Variants in PCDH9 observed in about 807,000 individuals in gnomAD.
The protein encoded by PCDH9 is protocadherin-9.
In PCDH9, 24 loss-of-function variants were observed where a neutral mutation model predicts 70.6. That is an observed-to-expected ratio of 0.34 (90% CI 0.25 to 0.48). The LOEUF (loss-of-function observed/expected upper bound fraction) is 0.48, where lower values mean the gene tolerates loss of function less well. PCDH9 is among the 20% of genes least tolerant of loss of function. The probability of loss-of-function intolerance (pLI) is 0.99; values close to 1 mark genes in which losing one functional copy is unlikely to be tolerated. For synonymous variants in PCDH9, 562 were observed against 558.5 expected (o/e 1.01, Z -0.09); for missense variants, 1,281 against 1,503.6 (o/e 0.85, Z 2.45).
chr13:66,507,998 G>T lies in PCDH9; in HGVS notation c.3340+123212C>A, dbSNP rs141133110. ...AGCCTCCCAAAATGCTGGGATTACA[G>T]GCGTGAGCCATCGCACCTGGCCCTA... On this transcript the variant is annotated intron_variant, in intron 4 of 4. Coordinates refer to ENST00000377865, the MANE Select transcript of PCDH9 (RefSeq NM_203487.3). Among the ~76,000 whole-genome samples, 10 of 152,284 alleles carry T rather than the reference G, an allele frequency of 6.6e-5. No individual in the cohort carries two copies. The East Asian group carries it at 1.9e-3, about 29-fold the overall frequency.
intron 2 of PCDH9, among the ~76,000 whole-genome samples, chr13:67,085,599 C>T (rs921215980): frequency 3.9e-5 from 6 of 152,102 alleles, no homozygotes; most frequent in African/African-American, 1.2e-4. Flanking sequence ...AACTGGCACC[C>T]CTGATCTAAA....
chr13:66,684,838 T>C (rs1006634241), intron 3 of PCDH9, among the ~76,000 whole-genome samples: 8 of 152,096 alleles, frequency 5.3e-5, no homozygotes, highest in Admixed American at 4.6e-4. Flanking sequence ...AGGAAGAGGA[T>C]GGAACAGTTT....
Position 67,071,888 on chromosome 13 carries a change from CAA to C in PCDH9, c.3036+153515_3036+153516del, listed in dbSNP as rs5804309. Among the ~76,000 whole-genome samples, 393 of 86,654 alleles carry C rather than the reference CAA, an allele frequency of 4.5e-3. 2 individuals are homozygous for C. The highest frequency in any genetic ancestry group is 5.4e-3 in the Middle Eastern group (1 of 184). The allele number at this position is 86,654 out of a possible 152,430, so 56.8% of individuals were successfully genotyped here. A position where few individuals can be genotyped will look rare whatever the true frequency, so the allele number is the denominator to read the frequency against. On this transcript the variant is annotated intron_variant, in intron 2 of 4. Transcript: ENST00000377865. ...TGGGCAACAGAGGGAGACTTTGTCT[CAA>C]AAAAAAAAAAAAAAAAAAGAGAGAA...
intron 4 of PCDH9, among the ~76,000 whole-genome samples, chr13:66,314,831 G>A (rs550858018): frequency 6.6e-6 from 1 of 152,094 alleles, no homozygotes; most frequent in Non-Finnish European, 1.5e-5. Flanking sequence ...TAATCTCTGC[G>A]ACTATGAATA....
At chr13:66,645,510 A>C (rs1593830977) in intron 3 of PCDH9, among the ~76,000 whole-genome samples, 1 of 152,154 alleles carries the variant, frequency 6.6e-6, no homozygotes, top group Admixed American at 6.5e-5. Flanking sequence ...GTACAAGAGA[A>C]AGTAGCTAAA....
chr13:66,334,086 A>T lies in PCDH9; in HGVS notation c.3341-29058T>A, dbSNP rs147656951. Among the ~76,000 whole-genome samples the T allele has an allele frequency of 1.3e-3, 194 of 152,214 alleles. 3 individuals are homozygous for T. Among genetic ancestry groups the T allele is most frequent in the East Asian group, 5.4e-3 (28 of 5,182 alleles). On this transcript the variant is annotated intron_variant, in intron 4 of 4. Coordinates refer to ENST00000377865, the MANE Select transcript of PCDH9 (RefSeq NM_203487.3). ...TTCTAGCTATTTTGAAATATGCTTT[A>T]TTGTTAACTACAGTCGCTCTACTGT...
chr13:66,784,930 AT>A (rs938279899), intron 3 of PCDH9, among the ~76,000 whole-genome samples: 1 of 151,758 alleles, frequency 6.6e-6, no homozygotes. Context: ...CCTCTGTCTT[AT>A]TTTTTTTAAC....
chr13:66,862,990 A>G (rs1334306750), intron 3 of PCDH9, among the ~76,000 whole-genome samples: 7 of 152,214 alleles, frequency 4.6e-5, no homozygotes, highest in African/African-American at 1.7e-4. Context: ...TCTTATCTGT[A>G]TAATATTGCA....
chr13:66,897,761 T>C (rs887151475), intron 3 of PCDH9, among the ~76,000 whole-genome samples: 1 of 152,140 alleles, frequency 6.6e-6, no homozygotes, highest in Non-Finnish European at 1.5e-5. Flanking sequence ...TAGGAGCCTG[T>C]CAAATATTTT....
At chr13:66,583,290 C>A (rs2076918650) in intron 4 of PCDH9, among the ~76,000 whole-genome samples, 2 of 152,114 alleles carry the variant, frequency 1.3e-5, no homozygotes, top group Non-Finnish European at 2.9e-5. Flanking sequence ...TAATTTCTTA[C>A]CACTTGATTA....
chr13:67,042,130 C>T (rs2085129878), intron 2 of PCDH9, among the ~76,000 whole-genome samples: 1 of 152,158 alleles, frequency 6.6e-6, no homozygotes, highest in South Asian at 2.1e-4. Context: ...AGTTATTCCA[C>T]AAGCATGGGG....
chr13:66,806,994 A>C (rs1292251580), intron 3 of PCDH9, among the ~76,000 whole-genome samples: 1 of 152,190 alleles, frequency 6.6e-6, no homozygotes, highest in Non-Finnish European at 1.5e-5. Flanking sequence ...GGGAATGATC[A>C]TAGCAGGCAC....
At chr13:66,605,825 G>GT (rs2077216129) in intron 4 of PCDH9, among the ~76,000 whole-genome samples, 1 of 151,976 alleles carries the variant, frequency 6.6e-6, no homozygotes, top group Non-Finnish European at 1.5e-5. Flanking sequence ...GTGTCGGATA[G>GT]TAAGACTTCA....
chr13:66,306,590 A>G (rs796974191), intron 4 of PCDH9, among the ~76,000 whole-genome samples: 2 of 151,574 alleles, frequency 1.3e-5, no homozygotes, highest in African/African-American at 4.8e-5. Context: ...AAAGGGGCTG[A>G]AATGCACTAT....
chr13:66,736,670 G>A (rs991654747), intron 3 of PCDH9, among the ~76,000 whole-genome samples: 1 of 152,182 alleles, frequency 6.6e-6, no homozygotes, highest in African/African-American at 2.4e-5. Context: ...ATTGAAAACT[G>A]GTCATTGCAA....
At chr13:66,993,859 C>G (rs2084052412) in intron 2 of PCDH9, among the ~76,000 whole-genome samples, 1 of 152,026 alleles carries the variant, frequency 6.6e-6, no homozygotes, top group Admixed American at 6.6e-5. Flanking sequence ...ATTGGATTTG[C>G]TGATTGATTG....
intron 3 of PCDH9, among the ~76,000 whole-genome samples, chr13:66,880,952 A>G (rs76155471): frequency 0.034 from 5,250 of 152,306 alleles, 291 homozygotes; most frequent in African/African-American, 0.12. Flanking sequence ...TATGACCTTG[A>G]GCAAATTACT....
intron 2 of PCDH9, among the ~76,000 whole-genome samples, chr13:66,939,698 A>G (rs987162640): frequency 2.0e-5 from 3 of 152,236 alleles, no homozygotes; most frequent in East Asian, 1.9e-4. Flanking sequence ...AATTACAGGC[A>G]TGAGTCACCA....
intron 3 of PCDH9, among the ~76,000 whole-genome samples, chr13:66,783,737 A>T (rs1035052304): frequency 6.6e-6 from 1 of 152,152 alleles, no homozygotes; most frequent in Non-Finnish European, 1.5e-5. Flanking sequence ...GCAATGCATA[A>T]TGTTTGTATT....
Sources: allele counts gnomAD v4.1 joint callset (sites outside exome capture counted in the v4.1 genomes callset), GRCh38; gene constraint gnomAD v4.1.1; transcripts MANE v1.5; gene names NCBI Gene and HGNC (gene_info 2026-07-23, HGNC 2026-07-21).